Variants in SUMF1 observed in about 807,000 individuals in gnomAD.
SUMF1 encodes the protein sulfatase modifying factor 1.
SUMF1 carries 48 observed loss-of-function variants against 47.6 expected under a neutral mutation model. That is an observed-to-expected ratio of 1.01 (90% CI 0.80 to 1.28). The LOEUF is 1.28. SUMF1 is among the 50% of genes most tolerant of loss of function. SUMF1 has a pLI of 0.00. For synonymous variants in SUMF1, 230 were observed against 192.1 expected (o/e 1.20, Z -1.63); for missense variants, 571 against 485.4 (o/e 1.18, Z -1.66).
At chr3:4,339,152 G>A (rs1198229457) in intron 8 of SUMF1, among the ~76,000 whole-genome samples, 2 of 152,026 alleles carry the variant, frequency 1.3e-5, no homozygotes, top group Non-Finnish European at 2.9e-5. Context: ...TTCCTAATGG[G>A]CCTTAGGCTA....
downstream of SUMF1, among the ~76,000 whole-genome samples, chr3:4,358,605 C>T (rs73809519): frequency 0.023 from 3,500 of 152,184 alleles, 124 homozygotes; most frequent in African/African-American, 0.08. Context: ...TATATGAAGA[C>T]CTTCAGGAAA....
At chr3:4,343,060 G>A (rs1271074664) in intron 8 of SUMF1, among the ~76,000 whole-genome samples, 2 of 152,230 alleles carry the variant, frequency 1.3e-5, no homozygotes, top group Non-Finnish European at 2.9e-5. Flanking sequence ...CTTTTAGAGG[G>A]AGAGCTCAAA....
intron 3 of SUMF1, among the ~76,000 whole-genome samples, chr3:4,427,099 C>G (rs1559293093): frequency 6.6e-6 from 1 of 152,160 alleles, no homozygotes; most frequent in Non-Finnish European, 1.5e-5. Flanking sequence ...CCAGAGGTGG[C>G]AAATTATGCT....
At chr3:4,266,325 T>C (rs535736321) in intron 8 of SUMF1, among the ~76,000 whole-genome samples, 3,816 of 152,230 alleles carry the variant, frequency 0.025, 148 homozygotes, top group African/African-American at 0.087. Context: ...TTGGGCAGTA[T>C]GGCCATTTTC....
At chr3:4,457,084 A>G (rs183396602) in intron 1 of SUMF1, among the ~76,000 whole-genome samples, 12,085 of 116,162 alleles carry the variant, frequency 0.1, 2,487 homozygotes, top group Non-Finnish European at 0.18. Context: ...ACGTGTGTGT[A>G]TATATATATA....
chr3:4,452,101 T>C (rs1361152377), intron 2 of SUMF1, among the ~76,000 whole-genome samples: 1 of 150,704 alleles, frequency 6.6e-6, no homozygotes, highest in African/African-American at 2.4e-5. Context: ...ATTCATTTAA[T>C]AATAATTTAC....
intron 8 of SUMF1, among the ~76,000 whole-genome samples, chr3:4,335,971 A>AAAAAAAAAAAAAG: frequency 1.3e-5 from 2 of 149,740 alleles, no homozygotes; most frequent in African/African-American, 4.9e-5. Context: ...AAAAAAAAAA[A>AAAAAAAAAAAAAG]AAAAAAAAAC....
At chr3:4,097,214 A>T (rs1228765340) in intron 8 of SUMF1, among the ~76,000 whole-genome samples, 1 of 152,130 alleles carries the variant, frequency 6.6e-6, no homozygotes, top group Non-Finnish European at 1.5e-5. Context: ...AGGGTTGGGG[A>T]GGCAACCTAA....
intron 7 of SUMF1, among the ~76,000 whole-genome samples, chr3:4,408,833 G>GC (rs1701454133): frequency 6.6e-6 from 1 of 151,728 alleles, no homozygotes; most frequent in Non-Finnish European, 1.5e-5. Context: ...TAGCTGGGGG[G>GC]CACCTGTAAT....
At position 4,265,811 on chromosome 3, in the gene SUMF1, A is replaced by G. The variant is rs181949360; in HGVS notation, c.1014+110519T>C. ...AGACATGAAGTCCTTGCCTGTGCCT[A>G]TGTCCTCAATGGTAATGCCTAGGTT... On this transcript the variant is annotated intron_variant and NMD_transcript_variant, in intron 8 of 12. Coordinates refer to the SUMF1 transcript ENST00000448413. 1.1e-3 allele frequency among the ~76,000 whole-genome samples: 160 copies of G among 152,290 alleles called. 1 individual carries two copies. The East Asian group carries it at 0.025, about 24-fold the overall frequency.
Position 4,074,894 on chromosome 3 carries a change from G to C in SUMF1, c.1015-6149C>G, listed in dbSNP as rs918189814. On this transcript the variant is annotated intron_variant and NMD_transcript_variant, in intron 8 of 12. Coordinates refer to the SUMF1 transcript ENST00000448413. ...AAAAGTCCAGGACCAGATGGATTCA[G>C]AACCAAATTCCACCAGACGTACAAA... Among the ~76,000 whole-genome samples, 28 of 152,096 alleles carry C rather than the reference G, an allele frequency of 1.8e-4. No homozygotes were observed. In the South Asian group the frequency reaches 5.8e-3, roughly 32 times the overall value.
At chr3:4,112,753 C>T (rs998797500) in intron 8 of SUMF1, among the ~76,000 whole-genome samples, 3 of 152,090 alleles carry the variant, frequency 2.0e-5, no homozygotes, top group Admixed American at 1.3e-4. Context: ...AAACAGCAAA[C>T]TTGAGATTTC....
intron 8 of SUMF1, among the ~76,000 whole-genome samples, chr3:4,127,116 G>C (rs1030796231): frequency 6.6e-6 from 1 of 152,100 alleles, no homozygotes; most frequent in African/African-American, 2.4e-5. Flanking sequence ...AAACAAGTTG[G>C]ATGTATAAAA....
intron 8 of SUMF1, among the ~76,000 whole-genome samples, chr3:4,287,013 A>AT (rs1697645752): frequency 6.6e-6 from 1 of 152,186 alleles, no homozygotes; most frequent in Non-Finnish European, 1.5e-5. Flanking sequence ...TATTTTCATA[A>AT]TAATACTTAA....
At chr3:4,128,805 A>G (rs1693718323) in intron 8 of SUMF1, among the ~76,000 whole-genome samples, 1 of 152,184 alleles carries the variant, frequency 6.6e-6, no homozygotes, top group Admixed American at 6.5e-5. Flanking sequence ...TGGAAGGAAC[A>G]TAGAGTTGGA....
At chr3:4,358,140 G>C (rs1001234013), downstream of SUMF1, among the ~76,000 whole-genome samples, 1 of 151,848 alleles carries the variant, frequency 6.6e-6, no homozygotes. Flanking sequence ...ATTACCACCC[G>C]TATTTCCCCC....
chr3:4,338,972 A>T (rs1266938161), intron 8 of SUMF1, among the ~76,000 whole-genome samples: 2 of 152,144 alleles, frequency 1.3e-5, no homozygotes, highest in African/African-American at 4.8e-5. Context: ...CTGAATGGGT[A>T]TTGCTGACTG....
In SUMF1 at chr3:4,413,041, G is replaced by T. The variant is rs187069754; in HGVS notation, c.841-2063C>A. Among the ~76,000 whole-genome samples the T allele has an allele frequency of 1.4e-3, 215 of 151,908 alleles. 6 individuals carry two copies. The highest frequency in any genetic ancestry group is 0.011 in the Admixed American group (175 of 15,256). Reference sequence around the variant, plus strand: ...TTTTTTTTAGACAGGGTCTTGCTCTGTCACCCAGACTGGAGTACAGTGATG... The same window carrying T: ...TTTTTTTTAGACAGGGTCTTGCTCTTTCACCCAGACTGGAGTACAGTGATG... On this transcript the variant is annotated intron_variant, in intron 6 of 8. Coordinates refer to ENST00000272902, the MANE Select transcript of SUMF1 (RefSeq NM_182760.4).
chr3:4,089,390 T>G (rs1377228624), intron 8 of SUMF1, among the ~76,000 whole-genome samples: 1 of 152,138 alleles, frequency 6.6e-6, no homozygotes, highest in Non-Finnish European at 1.5e-5. Flanking sequence ...GAATGTCACT[T>G]GAGAAATAAG....
Sources: allele counts gnomAD v4.1 joint callset (sites outside exome capture counted in the v4.1 genomes callset), GRCh38; gene constraint gnomAD v4.1.1; transcripts MANE v1.5; gene names NCBI Gene and HGNC (gene_info 2026-07-23, HGNC 2026-07-21).